The following CNTN6 variants were observed in gnomAD, a reference collection of about 807,000 sequenced individuals.
The protein encoded by CNTN6 is contactin 6, also known as contactin-6.
Under a neutral mutation model 122.8 loss-of-function variants are expected in CNTN6, and 137 were observed. That is an observed-to-expected ratio of 1.12 (90% CI 0.97 to 1.29). The LOEUF (loss-of-function observed/expected upper bound fraction) is 1.29. Among genes scored for constraint, CNTN6 ranks in the 50% most tolerant of loss-of-function variants. The pLI is 0.00. For missense variants in CNTN6, 1,634 were observed against 1,223.4 expected (o/e 1.34, Z -5.01); for synonymous variants, 570 against 426.0 (o/e 1.34, Z -4.16).
intron 2 of CNTN6, among the ~76,000 whole-genome samples, chr3:1,205,387 T>C (rs1237114066): frequency 6.6e-6 from 1 of 152,176 alleles, no homozygotes; most frequent in African/African-American, 2.4e-5. Context: ...TCTGGCAAAA[T>C]AGTCTCAACT....
intron 1 of CNTN6, among the ~76,000 whole-genome samples, chr3:1,126,563 G>A (rs1209041868): frequency 1.3e-5 from 2 of 151,732 alleles, no homozygotes; most frequent in South Asian, 4.1e-4. Flanking sequence ...TTTTCCTACT[G>A]TCTGTCACCA....
At chr3:1,171,437 C>T (rs1354860268) in intron 2 of CNTN6, among the ~76,000 whole-genome samples, 2 of 152,154 alleles carry the variant, frequency 1.3e-5, no homozygotes, top group African/African-American at 4.8e-5. Flanking sequence ...GATAACTAAT[C>T]ATATTTTGAA....
intron 11 of CNTN6, among the ~76,000 whole-genome samples, 194 bp from the exon 12 acceptor site, chr3:1,352,130 A>C (rs551783011): frequency 6.6e-6 from 1 of 152,048 alleles, no homozygotes; most frequent in Non-Finnish European, 1.5e-5. Flanking sequence ...TGTCAGAATA[A>C]AAGCAAATGC....
intron 12 of CNTN6, among the ~76,000 whole-genome samples, chr3:1,361,421 A>G (rs961042500): frequency 6.6e-6 from 1 of 152,078 alleles, no homozygotes; most frequent in African/African-American, 2.4e-5. Context: ...CAGCATTCCT[A>G]CTGATGTATA....
rs568675100 is a variant in CNTN6, at chr3:1,315,209, T to C, written c.762-6441T>C. On this transcript the variant is annotated intron_variant, in intron 7 of 22. Transcript: ENST00000446702. ...CATGGTGTTCTTTATCTGATTAATA[T>C]ATTAACTTTTCATTTTAAAGAGATC... Among the ~76,000 whole-genome samples, 3 of 152,184 alleles carry C rather than the reference T, an allele frequency of 2.0e-5. No homozygotes were observed. The South Asian group carries it at 6.2e-4, about 32-fold the overall frequency.
chr3:1,383,791 C>G (rs906922166), intron 19 of CNTN6, among the ~76,000 whole-genome samples: 3 of 152,184 alleles, frequency 2.0e-5, no homozygotes, highest in Non-Finnish European at 2.9e-5. Flanking sequence ...CATATTTATA[C>G]CCACTTCTAA....
chr3:1,163,680 T>A (rs1224093045), intron 2 of CNTN6, among the ~76,000 whole-genome samples: 2 of 152,166 alleles, frequency 1.3e-5, no homozygotes, highest in Admixed American at 1.3e-4. Context: ...GCTTCCCTAG[T>A]TGCTGGGATT....
intron 5 of CNTN6, among the ~76,000 whole-genome samples, chr3:1,294,732 C>G (rs1251057504): frequency 6.6e-6 from 1 of 152,152 alleles, no homozygotes; most frequent in Non-Finnish European, 1.5e-5. Flanking sequence ...GTTTATCGTG[C>G]CGGTTTCAAA....
intron 1 of CNTN6, among the ~76,000 whole-genome samples, chr3:1,119,322 CGTGTGTGTGTGTGT>C (rs369235352): frequency 7.9e-6 from 1 of 126,490 alleles, no homozygotes; most frequent in Non-Finnish European, 1.6e-5. Context: ...ACAGAAAAAT[CGTGTGTGTGTGTGT>C]GTGTGTGTGT....
chr3:1,242,162 G>A (rs1478714269), intron 4 of CNTN6, among the ~76,000 whole-genome samples: 1 of 152,194 alleles, frequency 6.6e-6, no homozygotes, highest in Non-Finnish European at 1.5e-5. Flanking sequence ...AATGGGGGCT[G>A]TCTGTGAAGC....
intron 1 of CNTN6, among the ~76,000 whole-genome samples, chr3:1,099,416 A>G (rs188812309): frequency 6.6e-6 from 1 of 152,086 alleles, no homozygotes; most frequent in Non-Finnish European, 1.5e-5. Flanking sequence ...GAGCCATTAC[A>G]CTCCAGCCTG....
chr3:1,318,096 AGAAG>A (rs956802209), intron 7 of CNTN6, among the ~76,000 whole-genome samples: 1 of 151,598 alleles, frequency 6.6e-6, no homozygotes, highest in Non-Finnish European at 1.5e-5. Context: ...AAAGAAAGAG[AGAAG>A]GAAAGAAAGA....
rs369721447 is a variant in CNTN6 at position 1,153,458 on chromosome 3, C to A, written c.55+5395C>A. On this transcript the variant is annotated intron_variant, in intron 2 of 22. Coordinates refer to ENST00000446702, the MANE Select transcript of CNTN6 (RefSeq NM_001289080.2). Reference sequence around the variant, plus strand: ...AAATGTGGTTATATTATTTTCAAAACTTCTCCCAAAGTAGTTGACTTTTAA... The same window carrying A: ...AAATGTGGTTATATTATTTTCAAAAATTCTCCCAAAGTAGTTGACTTTTAA... Among the ~76,000 whole-genome samples, 43 of 152,280 alleles carry A rather than the reference C, an allele frequency of 2.8e-4. 1 individual carries two copies. The highest frequency in any genetic ancestry group is 1.0e-3 in the African/African-American group (43 of 41,572).
At chr3:1,158,659 A>C (rs1408329675) in intron 2 of CNTN6, among the ~76,000 whole-genome samples, 2 of 150,632 alleles carry the variant, frequency 1.3e-5, no homozygotes, top group African/African-American at 2.4e-5. Context: ...TGCACCCTCA[A>C]ATTTGTGAGC....
At chr3:1,403,267 C>A in intron 22 of CNTN6, 51 bp from the exon 23 acceptor site, 1 of 1,193,126 alleles carries the variant, frequency 8.4e-7, no homozygotes, top group Non-Finnish European at 1.2e-6. Context: ...ATTAATCTAA[C>A]AGGCAATACT....
intron 4 of CNTN6, among the ~76,000 whole-genome samples, chr3:1,276,174 T>TAAG (rs1692320381): frequency 6.6e-6 from 1 of 152,204 alleles, no homozygotes; most frequent in South Asian, 2.1e-4. Context: ...TCCATTCCTC[T>TAAG]AAGATAACCA....
intron 4 of CNTN6, among the ~76,000 whole-genome samples, chr3:1,248,820 C>A (rs1263467906): frequency 4.0e-5 from 6 of 151,810 alleles, no homozygotes; most frequent in Non-Finnish European, 8.8e-5. Flanking sequence ...AACTCCATTG[C>A]ACTCCAGCCT....
intron 16 of CNTN6, among the ~76,000 whole-genome samples, chr3:1,375,754 A>G (rs938998808): frequency 2.0e-5 from 3 of 151,994 alleles, no homozygotes; most frequent in Non-Finnish European, 4.4e-5. Flanking sequence ...CTAAAAAATT[A>G]TGAAGCTTAA....
At chr3:1,348,157 C>CAAAAAAAAAAGAAAAAAAAAAAAAAAAA (rs1705042713) in intron 11 of CNTN6, among the ~76,000 whole-genome samples, 1 of 64,302 alleles carries the variant, frequency 1.6e-5, no homozygotes, top group Non-Finnish European at 2.8e-5. Flanking sequence ...ATGCTATAGA[C>CAAAAAAAAAAGAAAAAAAAAAAAAAAAA]AAAAAAAAAA....
Sources: allele counts gnomAD v4.1 joint callset (sites outside exome capture counted in the v4.1 genomes callset), GRCh38; gene constraint gnomAD v4.1.1; transcripts MANE v1.5; gene names NCBI Gene and HGNC (gene_info 2026-07-23, HGNC 2026-07-21).